Variants in ASTN2 observed in about 807,000 individuals in gnomAD.
ASTN2 encodes astrotactin 2, also known as astrotactin-2.
In ASTN2, 54 loss-of-function variants were observed where a neutral mutation model predicts 139.8. The ratio of observed to expected loss-of-function variants is 0.39; its 90% CI spans 0.31 to 0.48. The LOEUF (loss-of-function observed/expected upper bound fraction) is 0.48. Ranked by LOEUF, ASTN2 falls within the 20% of genes least tolerant of loss-of-function variation. The probability of loss-of-function intolerance (pLI) is 0.95; values close to 1 mark genes in which losing one functional copy is unlikely to be tolerated. For missense variants in ASTN2, 1,565 were observed against 1,725.1 expected (o/e 0.91, Z 1.64); for synonymous variants, 756 against 719.5 (o/e 1.05, Z -0.81).
chr9:116,591,620 G>T (rs999990550), intron 19 of ASTN2, among the ~76,000 whole-genome samples: 2 of 152,182 alleles, frequency 1.3e-5, no homozygotes, highest in South Asian at 2.1e-4. Context: ...GATAAGCATG[G>T]GAAGCTAGAA....
Position 116,849,122 on chromosome 9 carries a change from C to T in ASTN2, c.2040+14461G>A, listed in dbSNP as rs140887957. ...AGGGCAAATAATGTGGGAAGAGGCA[C>T]GGAGTTTCCATGCCCTGTCTGAGCA... On this transcript the variant is annotated intron_variant, in intron 11 of 22. Transcript: ENST00000313400. Among the ~76,000 whole-genome samples, 97 of 152,278 alleles carry T rather than the reference C, an allele frequency of 6.4e-4. 2 individuals carry two copies. In the East Asian group the frequency reaches 0.013, roughly 21 times the overall value.
In ASTN2 at chr9:117,338,787, A is replaced by G. The variant is rs78174422; in HGVS notation, c.443-47274T>C. Among the ~76,000 whole-genome samples the G allele has an allele frequency of 1.6e-3, 246 of 152,130 alleles. 4 individuals are homozygous for G. The East Asian group carries it at 0.039, about 24-fold the overall frequency. On this transcript the variant is annotated intron_variant, in intron 1 of 22. Coordinates refer to ENST00000313400, the MANE Select transcript of ASTN2 (RefSeq NM_001365068.1). Reference sequence around the variant, plus strand: ...TGCCATTATCTTTAATAGCAAAAAAATGCAATAACTTTTGCACCAACCTAA... The same window carrying G: ...TGCCATTATCTTTAATAGCAAAAAAGTGCAATAACTTTTGCACCAACCTAA...
At chr9:117,279,031 G>A (rs533448380) in intron 2 of ASTN2, among the ~76,000 whole-genome samples, 1 of 152,316 alleles carries the variant, frequency 6.6e-6, no homozygotes, top group Non-Finnish European at 1.5e-5. Flanking sequence ...GGGTTGAACT[G>A]GAGTTTTTAA....
At chr9:117,138,228 T>C (rs1829997081) in intron 4 of ASTN2, among the ~76,000 whole-genome samples, 1 of 152,138 alleles carries the variant, frequency 6.6e-6, no homozygotes, top group African/African-American at 2.4e-5. Context: ...ACGTAAGAGA[T>C]AGTAGCAGGT....
chr9:117,013,218 C>T (rs1170525040), intron 6 of ASTN2, among the ~76,000 whole-genome samples: 3 of 152,066 alleles, frequency 2.0e-5, no homozygotes, highest in Non-Finnish European at 4.4e-5. Context: ...TGAATAAATT[C>T]CATTTATTTG....
At chr9:116,679,774 C>G (rs1041486488) in intron 16 of ASTN2, among the ~76,000 whole-genome samples, 2 of 152,192 alleles carry the variant, frequency 1.3e-5, no homozygotes, top group Admixed American at 1.3e-4. Flanking sequence ...TGAATGACTA[C>G]TGGGTACATA....
chr9:117,152,255 G>A (rs564423294), intron 3 of ASTN2, among the ~76,000 whole-genome samples: 1 of 152,238 alleles, frequency 6.6e-6, no homozygotes, highest in East Asian at 1.9e-4. Context: ...TAAGCCTGCG[G>A]AGGGTCTTGC....
chr9:117,167,814 T>C (rs1830702926), intron 3 of ASTN2, among the ~76,000 whole-genome samples: 6 of 152,142 alleles, frequency 3.9e-5, no homozygotes, highest in Admixed American at 1.3e-4. Context: ...ATGTTACAGG[T>C]AAATCTGATG....
At chr9:117,343,425 C>T (rs1345320220) in intron 1 of ASTN2, among the ~76,000 whole-genome samples, 1 of 152,200 alleles carries the variant, frequency 6.6e-6, no homozygotes, top group East Asian at 1.9e-4. Flanking sequence ...ACTTGCTTTT[C>T]CCTGGAATAG....
chr9:116,788,407 T>C (rs916822186), intron 13 of ASTN2, among the ~76,000 whole-genome samples: 1 of 152,224 alleles, frequency 6.6e-6, no homozygotes. Flanking sequence ...TGAGCACATA[T>C]GTCAAAACAT....
chr9:117,296,401 G>A (rs1172469160), intron 1 of ASTN2, among the ~76,000 whole-genome samples: 1 of 151,786 alleles, frequency 6.6e-6, no homozygotes, highest in African/African-American at 2.4e-5. Flanking sequence ...AACCAGTAGA[G>A]TACACTTGGT....
chr9:117,012,097 G>A (rs1172643802), intron 6 of ASTN2, among the ~76,000 whole-genome samples: 1 of 152,150 alleles, frequency 6.6e-6, no homozygotes, highest in Middle Eastern at 3.2e-3. Context: ...AATGTCAAGT[G>A]CATTAATGAA....
intron 10 of ASTN2, among the ~76,000 whole-genome samples, chr9:116,865,791 T>A (rs1832999845): frequency 6.6e-6 from 1 of 152,202 alleles, no homozygotes; most frequent in Non-Finnish European, 1.5e-5. Flanking sequence ...CAAATCATGC[T>A]CTTCCTTCTG....
intron 10 of ASTN2, among the ~76,000 whole-genome samples, chr9:116,964,695 T>C (rs16934127): frequency 0.059 from 8,927 of 152,270 alleles, 419 homozygotes; most frequent in African/African-American, 0.13. Context: ...GGGTAGTTTG[T>C]TCATAGCTTT....
intron 20 of ASTN2, among the ~76,000 whole-genome samples, chr9:116,446,392 G>C (rs1848000962): frequency 1.3e-5 from 2 of 151,896 alleles, no homozygotes; most frequent in Non-Finnish European, 2.9e-5. Context: ...CTCTGAAGCA[G>C]GCTGAGGTTC....
intron 20 of ASTN2, among the ~76,000 whole-genome samples, chr9:116,445,493 T>G (rs1448786302): frequency 6.6e-6 from 1 of 152,194 alleles, no homozygotes; most frequent in Non-Finnish European, 1.5e-5. Flanking sequence ...CATAGGCCAC[T>G]TATGTTCCTG....
intron 7 of ASTN2, among the ~76,000 whole-genome samples, chr9:117,003,940 A>ATG (rs1554768369): frequency 4.2e-4 from 61 of 144,610 alleles, no homozygotes; most frequent in African/African-American, 1.5e-3. Flanking sequence ...TGTTTCTTTC[A>ATG]CGCGCGCGCG....
At chr9:117,365,257 CAG>C (rs1460827098) in intron 1 of ASTN2, among the ~76,000 whole-genome samples, 2 of 116,138 alleles carry the variant, frequency 1.7e-5, no homozygotes, top group Non-Finnish European at 1.9e-5. Context: ...GAGAGAGAAA[CAG>C]AGAGAAAAAA....
chr9:117,173,939 C>T (rs558423440), intron 3 of ASTN2, among the ~76,000 whole-genome samples: 3 of 150,356 alleles, frequency 2.0e-5, no homozygotes, highest in East Asian at 3.9e-4. Flanking sequence ...CTTGCTCTCT[C>T]TCCTTTACTC....
Sources: allele counts gnomAD v4.1 joint callset (sites outside exome capture counted in the v4.1 genomes callset), GRCh38; gene constraint gnomAD v4.1.1; transcripts MANE v1.5; gene names NCBI Gene and HGNC (gene_info 2026-07-23, HGNC 2026-07-21).